ANKRD44: variants seen among roughly 807,000 people sequenced by gnomAD.
ANKRD44 encodes ankyrin repeat domain 44, also known as serine/threonine-protein phosphatase 6 regulatory ankyrin repeat subunit B.
Under a neutral mutation model 116.0 loss-of-function variants are expected in ANKRD44, and 35 were observed. The ratio of observed to expected loss-of-function variants is 0.30; its 90% CI spans 0.23 to 0.40. The LOEUF is 0.40. Ranked by LOEUF, ANKRD44 falls within the 10% of genes least tolerant of loss-of-function variation. The pLI, the probability that ANKRD44 is intolerant of heterozygous loss-of-function variation, is 1.00. For missense variants in ANKRD44, 1,014 were observed against 1,242.6 expected (o/e 0.82, Z 2.77); for synonymous variants, 435 against 461.8 (o/e 0.94, Z 0.74).
chr2:197,069,975 G>C (rs1482420902), intron 16 of ANKRD44, among the ~76,000 whole-genome samples: 1 of 151,772 alleles, frequency 6.6e-6, no homozygotes, highest in Non-Finnish European at 1.5e-5. Context: ...ACTAAGCACA[G>C]AGTTATTGAC....
intron 1 of ANKRD44, among the ~76,000 whole-genome samples, chr2:197,308,866 C>T (rs2105935414): frequency 6.6e-6 from 1 of 152,260 alleles, no homozygotes; most frequent in South Asian, 2.1e-4. Flanking sequence ...CTATCCTATA[C>T]CAACTGTAGC....
chr2:197,163,053 C>T (rs905560717), intron 2 of ANKRD44, among the ~76,000 whole-genome samples: 1 of 152,096 alleles, frequency 6.6e-6, no homozygotes, highest in South Asian at 2.1e-4. Flanking sequence ...CTATCCCTAA[C>T]CTTGAGTGAA....
intron 1 of ANKRD44, among the ~76,000 whole-genome samples, chr2:197,252,563 C>T (rs1001042405): frequency 5.3e-5 from 8 of 152,202 alleles, no homozygotes; most frequent in South Asian, 2.1e-4. Context: ...CCCGCCACCA[C>T]GCCCGGCTAA....
At chr2:197,167,953 T>C (rs558878541) in intron 2 of ANKRD44, among the ~76,000 whole-genome samples, 4 of 152,374 alleles carry the variant, frequency 2.6e-5, no homozygotes, top group African/African-American at 9.6e-5. Context: ...TTTAGCTACC[T>C]GTAACATATA....
At chr2:197,140,835 T>A (rs1251198292) in intron 3 of ANKRD44, among the ~76,000 whole-genome samples, 1 of 152,142 alleles carries the variant, frequency 6.6e-6, no homozygotes, top group Non-Finnish European at 1.5e-5. Context: ...ATTTCATGGG[T>A]GTTTGTATAT....
chr2:197,161,999 G>A (rs2079977638), intron 2 of ANKRD44, among the ~76,000 whole-genome samples: 1 of 152,122 alleles, frequency 6.6e-6, no homozygotes, highest in African/African-American at 2.4e-5. Flanking sequence ...GTGACTTGGA[G>A]GGTCTGCTCC....
chr2:197,296,755 G>C (rs2083735070), intron 1 of ANKRD44, among the ~76,000 whole-genome samples: 2 of 152,114 alleles, frequency 1.3e-5, no homozygotes, highest in Non-Finnish European at 2.9e-5. Flanking sequence ...CATATCCAAT[G>C]ATGTTTAAAT....
At chr2:197,057,516 C>T (rs972725595) in intron 16 of ANKRD44, among the ~76,000 whole-genome samples, 4 of 152,164 alleles carry the variant, frequency 2.6e-5, no homozygotes, top group Non-Finnish European at 4.4e-5. Flanking sequence ...TTCTCCAGAA[C>T]GTTATAATCT....
chr2:197,187,124 T>C lies in ANKRD44; in HGVS notation c.28-18A>G. On this transcript the variant is annotated intron_variant, in intron 1 of 27. Transcript: ENST00000282272. Reference sequence around the variant, plus strand: ...AATGGTGGCTGCAAACACAAGAGAATGGGAATCAGAACTAAAATTAATACA... The same window carrying C: ...AATGGTGGCTGCAAACACAAGAGAACGGGAATCAGAACTAAAATTAATACA... The C allele has an allele frequency of 6.2e-7, 1 of 1,612,944 alleles. No homozygotes were observed. Among genetic ancestry groups the C allele is most frequent in the Non-Finnish European group, 8.5e-7 (1 of 1,179,040 alleles).
At chr2:197,222,142 G>C (rs1377123881) in intron 1 of ANKRD44, among the ~76,000 whole-genome samples, 1 of 152,218 alleles carries the variant, frequency 6.6e-6, no homozygotes, top group Non-Finnish European at 1.5e-5. Context: ...TCCTAAGGCA[G>C]ATAATGTGAG....
At chr2:197,166,206 T>C (rs1216237769) in intron 2 of ANKRD44, among the ~76,000 whole-genome samples, 2 of 152,216 alleles carry the variant, frequency 1.3e-5, no homozygotes, top group Non-Finnish European at 2.9e-5. Flanking sequence ...CACTGCCTCC[T>C]GGATTCTGAA....
downstream of ANKRD44, among the ~76,000 whole-genome samples, chr2:196,986,182 C>T (rs17384622): frequency 5.3e-5 from 8 of 152,162 alleles, no homozygotes; most frequent in Non-Finnish European, 8.8e-5. Flanking sequence ...TAGTTTATCA[C>T]GTCTTTTGTC....
intron 18 of ANKRD44, among the ~76,000 whole-genome samples, chr2:197,009,416 T>C (rs1466007461): frequency 6.8e-6 from 1 of 147,316 alleles, no homozygotes; most frequent in Non-Finnish European, 1.5e-5. Flanking sequence ...CACTCTGTCG[T>C]CCAGGCTGGA....
intron 21 of ANKRD44, among the ~76,000 whole-genome samples, chr2:196,974,925 A>G (rs1376792240): frequency 6.6e-6 from 1 of 152,004 alleles, no homozygotes; most frequent in Non-Finnish European, 1.5e-5. Flanking sequence ...AGAGTAAACT[A>G]TACCCAAAGT....
At chr2:197,098,054 T>C (rs985682186) in intron 10 of ANKRD44, among the ~76,000 whole-genome samples, 1 of 152,174 alleles carries the variant, frequency 6.6e-6, no homozygotes, top group African/African-American at 2.4e-5. Flanking sequence ...TTCTACCCCA[T>C]AATTATGTCC....
chr2:196,976,198 G>A (rs1390043065), intron 21 of ANKRD44, among the ~76,000 whole-genome samples: 9 of 151,962 alleles, frequency 5.9e-5, no homozygotes, highest in African/African-American at 1.5e-4. Context: ...GTGCAGTGGC[G>A]CAATCTTGGC....
intron 1 of ANKRD44, among the ~76,000 whole-genome samples, chr2:197,239,178 T>G (rs753073360): frequency 1.8e-4 from 27 of 152,166 alleles, no homozygotes; most frequent in Non-Finnish European, 3.5e-4. Context: ...TTTGTGAAAT[T>G]TCCACATAAA....
intron 1 of ANKRD44, among the ~76,000 whole-genome samples, chr2:197,280,581 G>A (rs917214356): frequency 2.6e-5 from 4 of 152,208 alleles, no homozygotes. Flanking sequence ...TGGAGATGGA[G>A]GAGCCAAGTG....
At chr2:197,105,224 C>T (rs1238483233) in intron 9 of ANKRD44, among the ~76,000 whole-genome samples, 4 of 152,090 alleles carry the variant, frequency 2.6e-5, no homozygotes, top group African/African-American at 9.7e-5. Flanking sequence ...AGTGATTCTC[C>T]TGTCTCATCC....
Sources: gnomAD v4.1 joint callset for allele counts (sites outside exome capture counted in the v4.1 genomes callset) on GRCh38, gnomAD v4.1.1 for gene constraint, MANE v1.5 for transcripts, NCBI Gene and HGNC (gene_info 2026-07-23, HGNC 2026-07-21) for gene names.